Variants in NAA15 observed in about 807,000 individuals in gnomAD.
NAA15 encodes N-terminal acetyltransferase.
In NAA15, 34 loss-of-function variants were observed where a neutral mutation model predicts 114.0. The ratio of observed to expected loss-of-function variants is 0.30; its 90% CI spans 0.23 to 0.40. The LOEUF (loss-of-function observed/expected upper bound fraction) is 0.40, where lower values mean the gene tolerates loss of function less well. Among genes scored for constraint, NAA15 ranks in the 10% least tolerant of loss-of-function variants. The probability of loss-of-function intolerance (pLI) is 1.00; values close to 1 mark genes in which losing one functional copy is unlikely to be tolerated. For missense variants in NAA15, 658 were observed against 1,004.5 expected, an observed-to-expected ratio of 0.66 and a Z score of 4.66; for synonymous variants, 340 against 338.0, an observed-to-expected ratio of 1.01 and a Z score of -0.06.
In NAA15 at chr4:139,352,271, G is replaced by T. The variant is rs1322535042; in HGVS notation, c.1014+660G>T. ...TTACAGGCGCGTACTACCATGCCTG[G>T]CTAATTTTTGTATTTTTAATAGAGA... On this transcript the variant is annotated intron_variant, in intron 9 of 19. Coordinates refer to ENST00000296543, the MANE Select transcript of NAA15 (RefSeq NM_057175.5). 2.0e-5 allele frequency among the ~76,000 whole-genome samples: 3 copies of T among 151,862 alleles called. No homozygotes were observed. The South Asian group carries it at 6.3e-4, about 32-fold the overall frequency.
At chr4:139,315,005 G>C (rs148326714) in intron 1 of NAA15, among the ~76,000 whole-genome samples, 2 of 117,706 alleles carry the variant, frequency 1.7e-5, no homozygotes, top group Non-Finnish European at 3.7e-5. Context: ...GTTCAGTTTA[G>C]TTTAGGTTAG....
intron 12 of NAA15, 132 bp downstream of exon 12, chr4:139,360,027 C>A: frequency 1.2e-6 from 1 of 810,678 alleles, no homozygotes. Flanking sequence ...TTAATTAAAT[C>A]ACTGTATCAG....
At chr4:139,363,626 A>G (rs1300916500) in intron 14 of NAA15, among the ~76,000 whole-genome samples, 1 of 152,208 alleles carries the variant, frequency 6.6e-6, no homozygotes, top group Non-Finnish European at 1.5e-5. Flanking sequence ...TTTCACCATT[A>G]TAGTACTATA....
intron 19 of NAA15, 118 bp from the exon 20 acceptor site, chr4:139,387,766 G>C: frequency 1.3e-6 from 1 of 776,414 alleles, no homozygotes; most frequent in Non-Finnish European, 2.1e-6. Context: ...GGAGTAAATA[G>C]CTAAATATGT....
chr4:139,301,563 G>T lies in NAA15; in HGVS notation c.-215G>T. 3.4e-6 allele frequency: 2 copies of T among 590,312 alleles called. No homozygotes were observed. Among genetic ancestry groups the T allele is most frequent in the South Asian group, 4.1e-5 (2 of 48,930 alleles). 36.6% of individuals were successfully genotyped at this position (590,312 alleles called of 1,614,324 possible). A position where few individuals can be genotyped will look rare whatever the true frequency, so the allele number is the denominator to read the frequency against. On this transcript the variant is annotated 5_prime_UTR_variant, in exon 1 of 20. Coordinates refer to ENST00000296543, the MANE Select transcript of NAA15 (RefSeq NM_057175.5). ...GAACCGCCGACGGAGACCCGTAGTGGGGGAGGCGGCGGCAGCGTTAAGTGA... is the reference window on the plus strand; with the variant it reads ...GAACCGCCGACGGAGACCCGTAGTGTGGGAGGCGGCGGCAGCGTTAAGTGA...
chr4:139,379,854 G>A (rs1466564172), intron 17 of NAA15, among the ~76,000 whole-genome samples: 1 of 152,090 alleles, frequency 6.6e-6, no homozygotes, highest in Non-Finnish European at 1.5e-5. Flanking sequence ...GACCAGCCTG[G>A]CTAACATAGC....
intron 19 of NAA15, 54 bp downstream of exon 19, chr4:139,386,284 A>G: frequency 1.0e-6 from 1 of 1,001,818 alleles, no homozygotes; most frequent in Non-Finnish European, 1.5e-6. Context: ...TTTTTTCACC[A>G]AGAGAAATAA....
intron 6 of NAA15, among the ~76,000 whole-genome samples, chr4:139,349,051 C>T (rs759070146): frequency 7.9e-5 from 12 of 152,132 alleles, no homozygotes; most frequent in Non-Finnish European, 1.6e-4. Context: ...GCTGCTATGG[C>T]AGAATTGTTT....
rs71600201 is a variant in NAA15, at chr4:139,389,194, ATTT to A, written c.*1130_*1132del. On this transcript the variant is annotated 3_prime_UTR_variant, in exon 20 of 20. Coordinates refer to ENST00000296543, the MANE Select transcript of NAA15 (RefSeq NM_057175.5). Reference sequence around the variant, plus strand: ...CTTTGTAATTTTTAAAGGGCCCAAGATTTTTTTTTTTTTTTTTTTTTTCAAATA... The same window carrying A: ...CTTTGTAATTTTTAAAGGGCCCAAGATTTTTTTTTTTTTTTTTTTCAAATA... 40 of 113,364 alleles carry A rather than the reference ATTT, an allele frequency of 3.5e-4. No homozygotes were observed. The highest frequency in any genetic ancestry group is 7.2e-5 in the Non-Finnish European group (4 of 55,874). 7.0% of individuals were successfully genotyped at this position (113,364 alleles called of 1,614,324 possible). A position where few individuals can be genotyped will look rare whatever the true frequency, so the allele number is the denominator to read the frequency against.
At chr4:139,327,688 CAG>C (rs1291404590) in intron 1 of NAA15, among the ~76,000 whole-genome samples, 34 of 152,266 alleles carry the variant, frequency 2.2e-4, no homozygotes, top group African/African-American at 7.5e-4. Context: ...TTGTTTGAGA[CAG>C]AGTCTCACTC....
chr4:139,343,076 A>G, intron 5 of NAA15, 116 bp downstream of exon 5: 2 of 901,082 alleles, frequency 2.2e-6, no homozygotes, highest in South Asian at 3.6e-5. Flanking sequence ...GAAAAGTTGC[A>G]GGAATAGCAC....
At chr4:139,322,410 A>G (rs1050634266) in intron 1 of NAA15, among the ~76,000 whole-genome samples, 1 of 152,310 alleles carries the variant, frequency 6.6e-6, no homozygotes, top group Middle Eastern at 3.4e-3. Flanking sequence ...TGTTTTGTAA[A>G]TTGCCCAGTC....
chr4:139,350,658 G>C (rs150860960), intron 7 of NAA15, among the ~76,000 whole-genome samples: 1 of 152,180 alleles, frequency 6.6e-6, no homozygotes, highest in Non-Finnish European at 1.5e-5. Context: ...ACTGATTTAG[G>C]AACACCAGCA....
chr4:139,310,728 C>T (rs1746195099), intron 1 of NAA15, among the ~76,000 whole-genome samples: 1 of 151,702 alleles, frequency 6.6e-6, no homozygotes, highest in South Asian at 2.1e-4. Flanking sequence ...AAGTGATTCT[C>T]CTGCCTCAGC....
At chr4:139,327,208 A>G (rs1746831495) in intron 1 of NAA15, among the ~76,000 whole-genome samples, 1 of 152,128 alleles carries the variant, frequency 6.6e-6, no homozygotes. Flanking sequence ...AAGTGTTGCA[A>G]TTATAGACAT....
At chr4:139,333,953 G>GC (rs1451019786) in intron 1 of NAA15, among the ~76,000 whole-genome samples, 2 of 151,548 alleles carry the variant, frequency 1.3e-5, no homozygotes, top group Non-Finnish European at 2.9e-5. Context: ...TTCTCTTTCT[G>GC]CATCACTCAG....
At chr4:139,385,782 C>G (rs1748895082) in intron 18 of NAA15, among the ~76,000 whole-genome samples, 1 of 152,154 alleles carries the variant, frequency 6.6e-6, no homozygotes, top group South Asian at 2.1e-4. Context: ...CATTATTCTG[C>G]TTATTTCAGA....
At chr4:139,360,060 T>C (rs1748084532) in intron 12 of NAA15, among the ~76,000 whole-genome samples, 165 bp downstream of exon 12, 1 of 152,188 alleles carries the variant, frequency 6.6e-6, no homozygotes, top group Non-Finnish European at 1.5e-5. Context: ...TCAACATTGA[T>C]ATAAAGGATT....
chr4:139,356,593 A>G (rs1274974502), intron 10 of NAA15: 2 of 152,052 alleles, frequency 1.3e-5, no homozygotes, highest in African/African-American at 4.8e-5. Context: ...GGTGAGTTCC[A>G]CTCCTATTAT....
Sources: gnomAD v4.1 joint callset for allele counts (sites outside exome capture counted in the v4.1 genomes callset) on GRCh38, gnomAD v4.1.1 for gene constraint, MANE v1.5 for transcripts, NCBI Gene and HGNC (gene_info 2026-07-23, HGNC 2026-07-21) for gene names.